DYNLRB1: variants seen among roughly 807,000 people sequenced by gnomAD.
DYNLRB1 encodes the protein ROBL/LC7-like 1.
In DYNLRB1, 6 loss-of-function variants were observed where a neutral mutation model predicts 13.5. The ratio of observed to expected loss-of-function variants is 0.44; its 90% CI spans 0.24 to 0.88. The LOEUF (loss-of-function observed/expected upper bound fraction) is 0.88. Among genes scored for constraint, DYNLRB1 ranks in the 40% least tolerant of loss-of-function variants. The pLI is 0.21. For synonymous variants in DYNLRB1, 43 were observed against 45.0 expected, an observed-to-expected ratio of 0.96 and a Z score of 0.18; for missense variants, 93 against 127.2, an observed-to-expected ratio of 0.73 and a Z score of 1.29.
At chr20:34,533,690 G>A (rs532655260) in intron 2 of DYNLRB1, 3 of 178,778 alleles carry the variant, frequency 1.7e-5, no homozygotes, top group Non-Finnish European at 3.2e-5. Flanking sequence ...GTGGTGGTGC[G>A]CGTCTGTAGT....
chr20:34,537,985 C>CT lies in DYNLRB1; in HGVS notation c.248-2576dup, dbSNP rs67763754. ...GCCCAGAACCGCCCACGTGAACAGG[C>CT]TTTTTTTTTTTTTTTTTTTTGAGAC... On this transcript the variant is annotated intron_variant, in intron 3 of 3. Transcript: ENST00000357156. Among the ~76,000 whole-genome samples, 357 of 94,842 alleles carry CT rather than the reference C, an allele frequency of 3.8e-3. 8 individuals carry two copies. The highest frequency in any genetic ancestry group is 0.012 in the African/African-American group (278 of 23,298). 62.2% of individuals were successfully genotyped at this position (94,842 alleles called of 152,430 possible).
intron 1 of DYNLRB1, 151 bp downstream of exon 1, chr20:34,516,612 G>A: frequency 2.0e-6 from 3 of 1,507,496 alleles, no homozygotes; most frequent in Non-Finnish European, 1.8e-6. Context: ...CGACTTGAGG[G>A]TGGAACCCGG....
At chr20:34,531,519 A>C (rs1426085310) in intron 2 of DYNLRB1, among the ~76,000 whole-genome samples, 1 of 152,020 alleles carries the variant, frequency 6.6e-6, no homozygotes, top group African/African-American at 2.4e-5. Flanking sequence ...TTGTTTTTGG[A>C]GTGAGCCAGT....
intron 1 of DYNLRB1, among the ~76,000 whole-genome samples, chr20:34,525,024 C>T (rs1980078819): frequency 6.6e-6 from 1 of 152,194 alleles, no homozygotes; most frequent in Non-Finnish European, 1.5e-5. Flanking sequence ...CGCACCGGCC[C>T]CATTTGCCAC....
At position 34,526,393 on chromosome 20, in the gene DYNLRB1, G is replaced by A. The variant is rs183290685; in HGVS notation, c.79+50G>A. On this transcript the variant is annotated intron_variant, in intron 2 of 3. Coordinates refer to ENST00000357156, the MANE Select transcript of DYNLRB1 (RefSeq NM_014183.4). ...CCGCACCCAGGCAGGCCCAGAAGCAGCCATAACACAGCATAGCACTTGCTG... is the reference window on the plus strand; with the variant it reads ...CCGCACCCAGGCAGGCCCAGAAGCAACCATAACACAGCATAGCACTTGCTG... 1.9e-6 allele frequency: 3 copies of A among 1,588,866 alleles called. No homozygotes were observed. The South Asian group carries it at 3.3e-5, about 18-fold the overall frequency.
intron 3 of DYNLRB1, chr20:34,535,011 C>T (rs1405480036): frequency 1.0e-5 from 14 of 1,404,670 alleles, no homozygotes; most frequent in South Asian, 1.5e-5. Context: ...ACCCCAGTCT[C>T]CTGAGATAGA....
chr20:34,540,824 G>A lies in DYNLRB1; in HGVS notation c.*200G>A, dbSNP rs1021184250. 14 of 520,102 alleles carry A rather than the reference G, an allele frequency of 2.7e-5. No individual in the cohort carries two copies. The highest frequency in any genetic ancestry group is 3.5e-4 in the Middle Eastern group (1 of 2,828). 32.2% of individuals were successfully genotyped at this position (520,102 alleles called of 1,614,324 possible). ...CCAACCTTCCCCAGAGCTCCGGAGC[G>A]CCCTCTCCTCACTTCCAGGTTTTGG... On this transcript the variant is annotated 3_prime_UTR_variant, in exon 4 of 4. Transcript: ENST00000357156.
chr20:34,526,013 G>T (rs1051399465), intron 1 of DYNLRB1, among the ~76,000 whole-genome samples: 5 of 152,232 alleles, frequency 3.3e-5, no homozygotes, highest in African/African-American at 1.2e-4. Context: ...GCTGAGGAGG[G>T]TGGGATAATA....
At chr20:34,522,420 G>A (rs188698681) in intron 1 of DYNLRB1, among the ~76,000 whole-genome samples, 1 of 149,416 alleles carries the variant, frequency 6.7e-6, no homozygotes, top group South Asian at 2.1e-4. Context: ...TGATAGATGT[G>A]TGAGATGTGT....
chr20:34,517,389 TTTCA>T (rs1389661129), intron 1 of DYNLRB1, among the ~76,000 whole-genome samples: 1 of 152,208 alleles, frequency 6.6e-6, no homozygotes, highest in African/African-American at 2.4e-5. Flanking sequence ...GTTCTGTGTT[TTTCA>T]TTATTACACC....
chr20:34,522,437 TTTTCTTTTTTCTTTC>T (rs1236932700), intron 1 of DYNLRB1, among the ~76,000 whole-genome samples: 4 of 151,704 alleles, frequency 2.6e-5, no homozygotes, highest in Admixed American at 2.6e-4. Context: ...GTGTGTTTAC[TTTTCTTTTTTCTTTC>T]TTTCTTTTTT....
intron 1 of DYNLRB1, among the ~76,000 whole-genome samples, chr20:34,521,296 GC>G (rs1302965952): frequency 2.0e-5 from 3 of 152,164 alleles, no homozygotes; most frequent in African/African-American, 7.2e-5. Flanking sequence ...ACAGGTGTGA[GC>G]ACCACGCCCA....
chr20:34,528,030 C>CACTGAGACACTGCT (rs1600546048), intron 2 of DYNLRB1, among the ~76,000 whole-genome samples: 39 of 115,252 alleles, frequency 3.4e-4, no homozygotes, highest in South Asian at 8.2e-4. Flanking sequence ...CTGGAGTAGC[C>CACTGAGACACTGCT]GGCCGGGCGC....
chr20:34,526,436 G>C (rs1980220544), intron 2 of DYNLRB1, 93 bp downstream of exon 2: 1 of 1,045,652 alleles, frequency 9.6e-7, no homozygotes. Context: ...AGCCCTTCAT[G>C]AATCTGATCT....
chr20:34,517,017 C>CT, intron 1 of DYNLRB1: 1 of 1,218,796 alleles, frequency 8.2e-7, no homozygotes, highest in Non-Finnish European at 1.0e-6. Flanking sequence ...CGGCGTGGTT[C>CT]TTTCTAGCCG....
At position 34,516,428 on chromosome 20, in the gene DYNLRB1, TC is replaced by T. The variant is rs768938914; in HGVS notation, c.-30del. On this transcript the variant is annotated 5_prime_UTR_variant, in exon 1 of 4. Transcript: ENST00000357156. ...GAAAGGCACAGGACTCGCTAAGTGT[TC>T]GCTACGCGGGGCTACCGGATCGGTC... The T allele has an allele frequency of 8.7e-6, 14 of 1,612,542 alleles. No homozygotes were observed. The highest frequency in any genetic ancestry group is 3.3e-5 in the Admixed American group (2 of 59,904).
intron 2 of DYNLRB1, among the ~76,000 whole-genome samples, chr20:34,534,171 T>C (rs1980938248): frequency 6.6e-6 from 1 of 152,220 alleles, no homozygotes; most frequent in Non-Finnish European, 1.5e-5. Flanking sequence ...GTTTCAATTC[T>C]AAGCACTATG....
At chr20:34,531,848 C>T (rs1238847642) in intron 2 of DYNLRB1, among the ~76,000 whole-genome samples, 1 of 152,156 alleles carries the variant, frequency 6.6e-6, no homozygotes, top group Non-Finnish European at 1.5e-5. Context: ...ATGGAGACCT[C>T]AGGGACCAAA....
intron 1 of DYNLRB1, among the ~76,000 whole-genome samples, chr20:34,517,556 A>G (rs1979342846): frequency 6.6e-6 from 1 of 152,042 alleles, no homozygotes; most frequent in Non-Finnish European, 1.5e-5. Context: ...TGATACATGC[A>G]TATGATGTGT....
Sources: allele counts gnomAD v4.1 joint callset (sites outside exome capture counted in the v4.1 genomes callset), GRCh38; gene constraint gnomAD v4.1.1; transcripts MANE v1.5; gene names NCBI Gene and HGNC (gene_info 2026-07-23, HGNC 2026-07-21).